The following UBOX5 variants were observed in gnomAD, a reference collection of about 807,000 sequenced individuals.
UBOX5 encodes U-box domain containing 5, also known as RING finger protein 37.
Under a neutral mutation model 39.0 loss-of-function variants are expected in UBOX5, and 28 were observed. The ratio of observed to expected loss-of-function variants is 0.72; its 90% CI spans 0.53 to 0.98. The LOEUF (loss-of-function observed/expected upper bound fraction) is 0.98. Ranked by LOEUF, UBOX5 falls within the 50% of genes least tolerant of loss-of-function variation. The pLI is 0.00. For missense variants in UBOX5, 585 were observed against 674.4 expected (o/e 0.87, Z 1.47); for synonymous variants, 283 against 275.5 (o/e 1.03, Z -0.27).
At chr20:3,126,880 A>C (rs1047618280) in intron 1 of UBOX5, among the ~76,000 whole-genome samples, 2 of 151,864 alleles carry the variant, frequency 1.3e-5, no homozygotes, top group African/African-American at 4.8e-5. Flanking sequence ...TACTAAAAAT[A>C]CAAAAAGCAG....
At position 3,149,116 on chromosome 20, in the gene UBOX5, AC is replaced by A; in HGVS notation, c.-42+10649del. The A allele has an allele frequency of 6.4e-7, 1 of 1,553,336 alleles. No homozygotes were observed. ...CTTTGGCAGTCAGAATACAGTCCTCACAGATTTGACCAGGCAATTTCTTGTT... is the reference window on the plus strand; with the variant it reads ...CTTTGGCAGTCAGAATACAGTCCTCAAGATTTGACCAGGCAATTTCTTGTT... On this transcript the variant is annotated intron_variant, in intron 1 of 4. Coordinates refer to ENST00000217173, the MANE Select transcript of UBOX5 (RefSeq NM_014948.4). The surrounding 1 kb of genome is among the most constrained non-coding windows in gnomAD (Gnocchi z 4.1).
chr20:3,120,602 T>A (rs1395684297), intron 3 of UBOX5, among the ~76,000 whole-genome samples: 1 of 140,580 alleles, frequency 7.1e-6, no homozygotes, highest in Non-Finnish European at 1.5e-5. Context: ...GCCGAGATCA[T>A]GCCACCGCAC....
At chr20:3,120,570 C>G (rs535904855) in intron 3 of UBOX5, among the ~76,000 whole-genome samples, 1 of 148,780 alleles carries the variant, frequency 6.7e-6, no homozygotes, top group Non-Finnish European at 1.5e-5. Context: ...GGTGTGAACC[C>G]GGAAGGCAGA....
At chr20:3,142,772 C>CA (rs58907108) in intron 1 of UBOX5, among the ~76,000 whole-genome samples, 43,477 of 77,800 alleles carry the variant, frequency 0.56, 11,912 homozygotes, top group Non-Finnish European at 0.63. Flanking sequence ...AACTCTGTCT[C>CA]AAAAAAAAAA....
At chr20:3,159,516 A>G (rs1264119419) in intron 1 of UBOX5, among the ~76,000 whole-genome samples, 1 of 152,174 alleles carries the variant, frequency 6.6e-6, no homozygotes, top group Admixed American at 6.5e-5. Context: ...TTCACAGAGG[A>G]AAAAAAATCA....
chr20:3,146,967 T>C (rs146331272), intron 1 of UBOX5: 14 of 1,614,084 alleles, frequency 8.7e-6, no homozygotes, highest in South Asian at 1.1e-5. Context: ...TTCCTGTTTG[T>C]GAACTGAACA....
chr20:3,155,280 A>G (rs547181180), intron 1 of UBOX5, among the ~76,000 whole-genome samples: 1 of 152,272 alleles, frequency 6.6e-6, no homozygotes, highest in African/African-American at 2.4e-5. Flanking sequence ...CTGTAATCCC[A>G]GCACTTTGGA....
intron 1 of UBOX5, among the ~76,000 whole-genome samples, chr20:3,132,069 G>A (rs948813014): frequency 6.0e-5 from 9 of 150,300 alleles, no homozygotes; most frequent in African/African-American, 9.8e-5. Flanking sequence ...CAGCACTTTG[G>A]GAGGCCAAGG....
rs370711138 is a variant in UBOX5, at chr20:3,156,416, T to G, written c.-42+3350A>C. On this transcript the variant is annotated intron_variant, in intron 1 of 4. Transcript: ENST00000217173. ...CTGGTCTCAAACTCCTGGCCTCAAG[T>G]GATCCACCTGCCTTGGCCTCCCAAA... is the stretch of plus-strand genomic sequence containing the variant. 3.3e-5 allele frequency among the ~76,000 whole-genome samples: 5 copies of G among 152,100 alleles called. No homozygotes were observed. The East Asian group carries it at 7.7e-4, about 23-fold the overall frequency.
intron 1 of UBOX5, chr20:3,147,756 T>C: frequency 6.2e-7 from 1 of 1,614,122 alleles, no homozygotes. Context: ...TAATTCAGAG[T>C]TCCAAATGAC....
rs1358213417 is a variant in UBOX5 at position 3,115,429 on chromosome 20, C to T, written c.1293G>A (p.Leu431=). The T allele has an allele frequency of 3.1e-6, 5 of 1,613,894 alleles. No homozygotes were observed. Among genetic ancestry groups the T allele is most frequent in the Middle Eastern group, 1.6e-4 (1 of 6,084 alleles). ...CAAGGGTGGATGCCAAGGCAATTTC[C>T]AAGCTTTGTGACAGCTTCTGCTCGT... ...LSHEQKLSQS[L]EIALASTLGS... is the part of the protein sequence containing the mutation. The change falls in exon 4 of 5, where the codon TTG becomes TTA. Residue 431 remains leucine, a synonymous_variant. Transcript: ENST00000217173.
chr20:3,155,456 G>A (rs181517721), intron 1 of UBOX5, among the ~76,000 whole-genome samples: 38 of 152,032 alleles, frequency 2.5e-4, no homozygotes, highest in South Asian at 1.2e-3. Context: ...ACTTGAACCC[G>A]CGAGGCAGAG....
intron 1 of UBOX5, among the ~76,000 whole-genome samples, chr20:3,133,941 G>A (rs1250721574): frequency 1.3e-5 from 2 of 151,978 alleles, no homozygotes; most frequent in African/African-American, 4.8e-5. Flanking sequence ...TTTTTGGGTA[G>A]AGATGGGGTT....
At position 3,123,202 on chromosome 20, in the gene UBOX5, A is replaced by G. The variant is rs1600374201; in HGVS notation, c.54+110T>C. 4.3e-6 allele frequency: 5 copies of G among 1,167,842 alleles called. 1 individual carries two copies. The East Asian group carries it at 1.2e-4, about 28-fold the overall frequency. The allele number at this position is 1,167,842 out of a possible 1,614,324, so 72.3% of individuals were successfully genotyped here. ...CCATCTGATGGAATCTAAAGTAACAAGAGCAAAAGTGCAGTAAGCCTGAAT... is the reference window on the plus strand; with the variant it reads ...CCATCTGATGGAATCTAAAGTAACAGGAGCAAAAGTGCAGTAAGCCTGAAT... On this transcript the variant is annotated intron_variant, in intron 2 of 4. Transcript: ENST00000217173.
At chr20:3,155,632 A>G (rs2066676168) in intron 1 of UBOX5, among the ~76,000 whole-genome samples, 1 of 152,246 alleles carries the variant, frequency 6.6e-6, no homozygotes. Flanking sequence ...ATTTTGACAA[A>G]AATTAAATTA....
intron 4 of UBOX5, among the ~76,000 whole-genome samples, chr20:3,112,834 C>T (rs1344075144): frequency 1.3e-5 from 2 of 151,782 alleles, no homozygotes; most frequent in Non-Finnish European, 2.9e-5. Flanking sequence ...GGCGTGGTGG[C>T]GGGCGCCTGT....
Position 3,109,952 on chromosome 20 carries a change from T to C in UBOX5, c.*154A>G. 3.7e-6 allele frequency: 3 copies of C among 821,190 alleles called. No homozygotes were observed. Among genetic ancestry groups the C allele is most frequent in the East Asian group, 5.3e-5 (2 of 37,468 alleles). 50.9% of individuals were successfully genotyped at this position (821,190 alleles called of 1,614,324 possible). On this transcript the variant is annotated 3_prime_UTR_variant, in exon 5 of 5. Transcript: ENST00000217173. ...CCTATTGCCACCAGCGCAGAAGCAATGTGCTATACCGTGAGGTGATGAAGA... is the reference window on the plus strand; with the variant it reads ...CCTATTGCCACCAGCGCAGAAGCAACGTGCTATACCGTGAGGTGATGAAGA...
chr20:3,133,756 T>TGC (rs149255405), intron 1 of UBOX5, among the ~76,000 whole-genome samples: 140 of 147,920 alleles, frequency 9.5e-4, no homozygotes, highest in African/African-American at 3.3e-3. Flanking sequence ...TTATTTTTTT[T>TGC]GGGGGGGGGA....
intron 3 of UBOX5, chr20:3,116,770 A>G (rs1045912617): frequency 3.9e-5 from 6 of 152,188 alleles, no homozygotes; most frequent in Non-Finnish European, 5.9e-5. Context: ...AGAATGATCA[A>G]CCTAAACAGA....
Sources: gnomAD v4.1 joint callset for allele counts (sites outside exome capture counted in the v4.1 genomes callset) on GRCh38, gnomAD v4.1.1 for gene constraint, Gnocchi (gnomAD v3.1) non-coding constraint, MANE v1.5 for transcripts, NCBI Gene and HGNC (gene_info 2026-07-23, HGNC 2026-07-21) for gene names.